Variants in SLC16A10 observed in about 807,000 individuals in gnomAD.
SLC16A10 encodes the protein solute carrier family 16 member 10.
In SLC16A10, 27 loss-of-function variants were observed where a neutral mutation model predicts 40.0. The ratio of observed to expected loss-of-function variants is 0.67; its 90% CI spans 0.50 to 0.93. SLC16A10 has a LOEUF of 0.93. Ranked by LOEUF, SLC16A10 falls within the 40% of genes least tolerant of loss-of-function variation. The probability of loss-of-function intolerance (pLI) is 0.00; values close to 1 mark genes in which losing one functional copy is unlikely to be tolerated. For synonymous variants in SLC16A10, 213 were observed against 249.8 expected (o/e 0.85, Z 1.39); for missense variants, 529 against 658.2 (o/e 0.80, Z 2.15).
intron 1 of SLC16A10, among the ~76,000 whole-genome samples, chr6:111,157,667 T>C (rs990059696): frequency 7.2e-5 from 11 of 152,198 alleles, no homozygotes; most frequent in Non-Finnish European, 1.3e-4. Flanking sequence ...CCACAGAGTA[T>C]AACTTCAGAC....
intron 3 of SLC16A10, among the ~76,000 whole-genome samples, chr6:111,202,370 C>T (rs1401444304): frequency 6.6e-6 from 1 of 151,922 alleles, no homozygotes; most frequent in African/African-American, 2.4e-5. Flanking sequence ...CCCAGGTACT[C>T]GGGAGGCTGA....
At chr6:111,175,649 G>A (rs1052572924) in intron 2 of SLC16A10, among the ~76,000 whole-genome samples, 4 of 152,018 alleles carry the variant, frequency 2.6e-5, no homozygotes, top group Admixed American at 6.6e-5. Flanking sequence ...ATTATTATTT[G>A]GGATAGATGT....
Position 111,200,365 on chromosome 6 carries a change from T to G in SLC16A10, c.943-6227T>G, listed in dbSNP as rs774891878. Among the ~76,000 whole-genome samples the G allele has an allele frequency of 4.3e-4, 66 of 152,170 alleles. 1 individual carries two copies. Among genetic ancestry groups the G allele is most frequent in the Non-Finnish European group, 8.7e-4 (59 of 68,036 alleles). On this transcript the variant is annotated intron_variant, in intron 3 of 5. Coordinates refer to ENST00000368851, the MANE Select transcript of SLC16A10 (RefSeq NM_018593.5). Reference sequence around the variant, plus strand: ...TTGGGGCTGGTCTAATCGATAAATATCTATCAGTGGCCATAAAGTTTTATT... The same window carrying G: ...TTGGGGCTGGTCTAATCGATAAATAGCTATCAGTGGCCATAAAGTTTTATT...
chr6:111,134,984 C>A (rs1046789380), intron 1 of SLC16A10, among the ~76,000 whole-genome samples: 2 of 152,176 alleles, frequency 1.3e-5, no homozygotes, highest in African/African-American at 4.8e-5. Flanking sequence ...GCCTCCATAT[C>A]TGTCACTATC....
chr6:111,122,244 A>G (rs1458217933), intron 1 of SLC16A10, among the ~76,000 whole-genome samples: 1 of 152,108 alleles, frequency 6.6e-6, no homozygotes, highest in Non-Finnish European at 1.5e-5. Flanking sequence ...ATTTGTCCTG[A>G]CCCTGGACCG....
intron 1 of SLC16A10, among the ~76,000 whole-genome samples, chr6:111,147,546 G>T (rs543403810): frequency 3.9e-5 from 6 of 152,244 alleles, no homozygotes; most frequent in Admixed American, 3.9e-4. Flanking sequence ...ATTGGAACAG[G>T]AAGAAAAGCA....
At chr6:111,209,938 A>C (rs1291007476) in intron 4 of SLC16A10, among the ~76,000 whole-genome samples, 1 of 152,180 alleles carries the variant, frequency 6.6e-6, no homozygotes, top group Non-Finnish European at 1.5e-5. Context: ...GGTAAAGGCA[A>C]GCCACAAGGG....
chr6:111,095,770 T>C (rs1304101517), intron 1 of SLC16A10, among the ~76,000 whole-genome samples: 1 of 152,234 alleles, frequency 6.6e-6, no homozygotes, highest in Non-Finnish European at 1.5e-5. Flanking sequence ...CTGTTGCCTG[T>C]TGCCATGTAA....
At chr6:111,104,618 C>A (rs560157238) in intron 1 of SLC16A10, among the ~76,000 whole-genome samples, 1 of 151,952 alleles carries the variant, frequency 6.6e-6, no homozygotes, top group Non-Finnish European at 1.5e-5. Context: ...ACATGTGGAG[C>A]GTTAAGGGTC....
At chr6:111,201,676 G>C (rs568893014) in intron 3 of SLC16A10, among the ~76,000 whole-genome samples, 19 of 152,242 alleles carry the variant, frequency 1.2e-4, no homozygotes, top group African/African-American at 3.4e-4. Flanking sequence ...GACCATCAAG[G>C]CATGGCCAAA....
chr6:111,195,863 G>A (rs928444181), intron 3 of SLC16A10, among the ~76,000 whole-genome samples: 10 of 152,108 alleles, frequency 6.6e-5, no homozygotes, highest in African/African-American at 2.4e-4. Flanking sequence ...CTACCAGGGT[G>A]TGGTCCTTTT....
At chr6:111,169,235 C>G (rs1285873392) in intron 1 of SLC16A10, among the ~76,000 whole-genome samples, 1 of 152,180 alleles carries the variant, frequency 6.6e-6, no homozygotes, top group African/African-American at 2.4e-5. Flanking sequence ...GAAGGGTAGC[C>G]TGGAGTTTGA....
At chr6:111,151,556 C>A (rs1350233709) in intron 1 of SLC16A10, among the ~76,000 whole-genome samples, 1 of 152,184 alleles carries the variant, frequency 6.6e-6, no homozygotes, top group Non-Finnish European at 1.5e-5. Flanking sequence ...TCCCAATCTC[C>A]CCTATGAGCA....
intron 4 of SLC16A10, 60 bp from the exon 5 acceptor site, chr6:111,218,754 C>CA (rs1314467434): frequency 1.5e-6 from 2 of 1,377,278 alleles, no homozygotes; most frequent in African/African-American, 2.8e-5. Context: ...AAGCATGTTG[C>CA]ATGGTAATTG....
chr6:111,206,357 G>A lies in SLC16A10; in HGVS notation c.943-235G>A, dbSNP rs548973826. On this transcript the variant is annotated intron_variant, in intron 3 of 5. Transcript: ENST00000368851. The stretch of plus-strand genomic sequence containing the variant: ...CTCCCAAAATGCTGGGATTACAGGC[G>A]TGAGCCACCATGCCCGGCCTTAAAA... Among the ~76,000 whole-genome samples, 11 of 152,238 alleles carry A rather than the reference G, an allele frequency of 7.2e-5. No homozygotes were observed. In the East Asian group the frequency reaches 1.4e-3, roughly 19 times the overall value.
chr6:111,166,453 A>C (rs76494558), intron 1 of SLC16A10, among the ~76,000 whole-genome samples: 1 of 149,476 alleles, frequency 6.7e-6, no homozygotes, highest in Admixed American at 6.7e-5. Context: ...CACAAACAGA[A>C]GTTGATTAGC....
At chr6:111,178,463 C>T (rs776731202) in intron 3 of SLC16A10, 21 of 530,120 alleles carry the variant, frequency 4.0e-5, no homozygotes, top group South Asian at 2.4e-4. Flanking sequence ...GGGTTGGTGC[C>T]TCACGCCTGT....
intron 3 of SLC16A10, among the ~76,000 whole-genome samples, chr6:111,190,485 T>C (rs1343303464): frequency 6.6e-6 from 1 of 152,212 alleles, no homozygotes; most frequent in African/African-American, 2.4e-5. Flanking sequence ...GTGTAGGGGC[T>C]CCAGTCCCAC....
intron 1 of SLC16A10, among the ~76,000 whole-genome samples, chr6:111,139,681 G>A (rs1771946767): frequency 6.6e-6 from 1 of 152,126 alleles, no homozygotes; most frequent in African/African-American, 2.4e-5. Context: ...TCATTGATGG[G>A]CATCTAGGTT....
Sources: allele counts gnomAD v4.1 joint callset (sites outside exome capture counted in the v4.1 genomes callset), GRCh38; gene constraint gnomAD v4.1.1; transcripts MANE v1.5; gene names NCBI Gene and HGNC (gene_info 2026-07-23, HGNC 2026-07-21).